Variants in GADL1 observed in about 807,000 individuals in gnomAD.
GADL1 encodes the protein GAD like acidic amino acid decarboxylase 1, also known as acidic amino acid decarboxylase GADL1.
A neutral mutation model predicts 69.5 loss-of-function variants in GADL1; 71 were observed. The observed-to-expected ratio is 1.02, with a 90% CI of 0.84 to 1.25. The LOEUF (loss-of-function observed/expected upper bound fraction) is 1.25. GADL1 is among the 50% of genes most tolerant of loss of function. The pLI is 0.00. For missense variants in GADL1, 737 were observed against 631.8 expected (o/e 1.17, Z -1.79); for synonymous variants, 254 against 214.4 (o/e 1.18, Z -1.62).
At chr3:30,752,225 TTTTAAA>T (rs1321133799) in intron 14 of GADL1, among the ~76,000 whole-genome samples, 47 of 152,328 alleles carry the variant, frequency 3.1e-4, no homozygotes, top group African/African-American at 1.1e-3. Context: ...CAGCTTTTCC[TTTTAAA>T]CTTAAGGGAG....
At chr3:30,876,915 A>G (rs1344097981) in intron 1 of GADL1, among the ~76,000 whole-genome samples, 1 of 151,856 alleles carries the variant, frequency 6.6e-6, no homozygotes, top group African/African-American at 2.4e-5. Context: ...TGCATCCTCT[A>G]TTGGCTGTCT....
chr3:30,828,817 G>A (rs1469061685), intron 11 of GADL1, among the ~76,000 whole-genome samples: 1 of 151,862 alleles, frequency 6.6e-6, no homozygotes, highest in Non-Finnish European at 1.5e-5. Context: ...TCATGAGAAT[G>A]TAAATGCTTT....
intron 11 of GADL1, among the ~76,000 whole-genome samples, chr3:30,817,722 C>A (rs1305129189): frequency 1.3e-5 from 2 of 152,110 alleles, no homozygotes; most frequent in Admixed American, 1.3e-4. Flanking sequence ...AATGAATGCA[C>A]CAGTATTTCT....
At chr3:30,829,685 T>C (rs1181681791) in intron 11 of GADL1, among the ~76,000 whole-genome samples, 3 of 151,948 alleles carry the variant, frequency 2.0e-5, no homozygotes, top group Middle Eastern at 3.2e-3. Flanking sequence ...CTGAGGATGA[T>C]TAATGTATTT....
chr3:30,764,386 T>A (rs914592707), intron 14 of GADL1, among the ~76,000 whole-genome samples: 2 of 152,140 alleles, frequency 1.3e-5, no homozygotes, highest in Admixed American at 1.3e-4. Flanking sequence ...TTCTCTTGAG[T>A]TATGTAACTC....
At chr3:30,768,620 G>A (rs1218521964) in intron 14 of GADL1, among the ~76,000 whole-genome samples, 1 of 152,036 alleles carries the variant, frequency 6.6e-6, no homozygotes, top group Non-Finnish European at 1.5e-5. Context: ...GAGGTGCAAA[G>A]ACCTCTGAGG....
intron 1 of GADL1, among the ~76,000 whole-genome samples, chr3:30,891,958 C>G (rs1206268244): frequency 2.0e-5 from 3 of 152,052 alleles, no homozygotes; most frequent in Non-Finnish European, 4.4e-5. Flanking sequence ...AGCATTTCAA[C>G]AACAAATTTT....
intron 14 of GADL1, among the ~76,000 whole-genome samples, chr3:30,732,920 G>A (rs1201110996): frequency 1.3e-5 from 2 of 152,100 alleles, no homozygotes; most frequent in Non-Finnish European, 2.9e-5. Context: ...AGCTGGGTGA[G>A]GTGCTGCTTC....
At chr3:30,807,030 T>A (rs1697268206) in intron 11 of GADL1, among the ~76,000 whole-genome samples, 1 of 152,226 alleles carries the variant, frequency 6.6e-6, no homozygotes, top group South Asian at 2.1e-4. Context: ...TCACTTAACA[T>A]CTTGGGCTTC....
chr3:30,776,573 G>A lies in GADL1; in HGVS notation c.1392+1606C>T, dbSNP rs202148788. ...CTCCACATCTTTGCTCCCTGAGAGG[G>A]TTTGATAAGAGGTGTATTCTGTATT... On this transcript the variant is annotated intron_variant, in intron 14 of 14. Coordinates refer to ENST00000282538, the MANE Select transcript of GADL1 (RefSeq NM_207359.3). Among the ~76,000 whole-genome samples, 5 of 152,280 alleles carry A rather than the reference G, an allele frequency of 3.3e-5. No homozygotes were observed. In the East Asian group the frequency reaches 7.7e-4, roughly 24 times the overall value.
At chr3:30,754,938 T>TG (rs1575186112) in intron 14 of GADL1, among the ~76,000 whole-genome samples, 2 of 152,078 alleles carry the variant, frequency 1.3e-5, no homozygotes, top group Non-Finnish European at 2.9e-5. Context: ...GGTCAAATAT[T>TG]GAAAAACCAA....
At chr3:30,767,048 C>G (rs373448245) in intron 14 of GADL1, among the ~76,000 whole-genome samples, 3 of 152,282 alleles carry the variant, frequency 2.0e-5, no homozygotes, top group African/African-American at 7.2e-5. Flanking sequence ...AGGCACTATT[C>G]TAAGCACTTT....
chr3:30,868,641 T>C (rs933811539), intron 1 of GADL1, among the ~76,000 whole-genome samples: 20 of 151,932 alleles, frequency 1.3e-4, no homozygotes, highest in African/African-American at 4.6e-4. Context: ...CAATAAATGA[T>C]AACTATTAAT....
At chr3:30,824,415 G>T (rs1190582490) in intron 11 of GADL1, among the ~76,000 whole-genome samples, 1 of 151,584 alleles carries the variant, frequency 6.6e-6, no homozygotes, top group African/African-American at 2.4e-5. Context: ...TGACCCACAA[G>T]AAAATTCCTA....
intron 12 of GADL1, among the ~76,000 whole-genome samples, chr3:30,795,664 A>G (rs1054997477): frequency 6.6e-6 from 1 of 152,196 alleles, no homozygotes; most frequent in African/African-American, 2.4e-5. Flanking sequence ...GAAAGAAATC[A>G]TGAAAATAAA....
intron 14 of GADL1, among the ~76,000 whole-genome samples, chr3:30,745,690 CTCATGGCCAATAT>C (rs1362017357): frequency 4.6e-5 from 7 of 152,164 alleles, no homozygotes; most frequent in Non-Finnish European, 8.8e-5. Flanking sequence ...TGCTCAGAAG[CTCATGGCCAATAT>C]TCATCATCTT....
At chr3:30,877,952 A>C (rs1176256413) in intron 1 of GADL1, among the ~76,000 whole-genome samples, 3 of 151,966 alleles carry the variant, frequency 2.0e-5, no homozygotes, top group Non-Finnish European at 2.9e-5. Flanking sequence ...AATTATTAGC[A>C]CTACACCAAA....
At chr3:30,854,898 A>T (rs1698204063) in intron 3 of GADL1, 109 bp from the exon 4 acceptor site, 3 of 644,554 alleles carry the variant, frequency 4.7e-6, no homozygotes, top group Non-Finnish European at 8.2e-6. Context: ...ACACACACAG[A>T]AGAGTTATAT....
chr3:30,792,871 C>T (rs1467979162), intron 12 of GADL1, among the ~76,000 whole-genome samples: 1 of 152,108 alleles, frequency 6.6e-6, no homozygotes, highest in Non-Finnish European at 1.5e-5. Flanking sequence ...CTCCCCTAAA[C>T]TAATAATTGG....
Sources: allele counts gnomAD v4.1 joint callset (sites outside exome capture counted in the v4.1 genomes callset), GRCh38; gene constraint gnomAD v4.1.1; transcripts MANE v1.5; gene names NCBI Gene and HGNC (gene_info 2026-07-23, HGNC 2026-07-21).